The following ITGA10 variants were observed in gnomAD, a reference collection of about 807,000 sequenced individuals.
The protein encoded by ITGA10 is integrin subunit alpha 10, also known as integrin alpha-10.
In ITGA10, 105 loss-of-function variants were observed where a neutral mutation model predicts 145.2. That is an observed-to-expected ratio of 0.72 (90% CI 0.62 to 0.85). The LOEUF is 0.85. Among genes scored for constraint, ITGA10 ranks in the 40% least tolerant of loss-of-function variants. The probability of loss-of-function intolerance (pLI) is 0.00; values close to 1 mark genes in which losing one functional copy is unlikely to be tolerated. For synonymous variants in ITGA10, 506 were observed against 557.8 expected (o/e 0.91, Z 1.31); for missense variants, 1,317 against 1,444.5 (o/e 0.91, Z 1.43).
At chr1:145,907,519 A>G in intron 1 of ITGA10, 54 bp from the exon 2 acceptor site, 1 of 1,605,688 alleles carries the variant, frequency 6.2e-7, no homozygotes, top group Non-Finnish European at 8.5e-7. Context: ...CTAGAGGCAC[A>G]GCCCGAGAGA....
chr1:145,899,014 A>C lies in ITGA10; in HGVS notation c.2154T>G (p.Ser718=), dbSNP rs1553746601. The C allele has an allele frequency of 5.0e-6, 8 of 1,614,134 alleles. No individual in the cohort carries two copies. In the East Asian group the frequency reaches 1.6e-4, roughly 31 times the overall value. The change falls in exon 17 of 30, where the codon TCT becomes TCG. Residue 718 remains serine (S), a synonymous_variant. Coordinates refer to ENST00000369304, the MANE Select transcript of ITGA10 (RefSeq NM_003637.5). ...GCCTCCGAGGGGACAACCTCTGGCC[A>C]GAGCCATCAAATGCTGCACGTGCCC... ...TAGARAAFDG[S]GQRLSPRRLR... is the part of the protein sequence containing the mutation.
rs952787756 is a variant in ITGA10, at chr1:145,892,349, T to G, written c.*449A>C. 4 of 157,188 alleles carry G rather than the reference T, an allele frequency of 2.5e-5. No homozygotes were observed. In the Admixed American group the frequency reaches 2.5e-4, roughly 10 times the overall value. 9.7% of individuals were successfully genotyped at this position (157,188 alleles called of 1,614,324 possible). On this transcript the variant is annotated 3_prime_UTR_variant, in exon 30 of 30. Coordinates refer to ENST00000369304, the MANE Select transcript of ITGA10 (RefSeq NM_003637.5). ...TGACTTTACTCCTTTCAAGCCAACG[T>G]CAGCTCCCTCCTGTGGAGTGGGGAA...
At chr1:145,898,473 A>G (rs1553746243) in intron 17 of ITGA10, among the ~76,000 whole-genome samples, 1 of 151,922 alleles carries the variant, frequency 6.6e-6, no homozygotes, top group East Asian at 1.9e-4. Flanking sequence ...GGTTCAGGCC[A>G]TTCTCCTGCC....
In ITGA10 at chr1:145,892,741, T is replaced by C; in HGVS notation, c.*57A>G. ...ATCTGAGCCCCCAAACCTCTGCTTT[T>C]ATGCAAGTCTCTTGAAGAAGCTGCC... On this transcript the variant is annotated 3_prime_UTR_variant, in exon 30 of 30. Transcript: ENST00000369304. The C allele has an allele frequency of 2.2e-6, 3 of 1,356,014 alleles. No homozygotes were observed. Among genetic ancestry groups the C allele is most frequent in the Non-Finnish European group, 3.2e-6 (3 of 946,712 alleles). The allele number at this position is 1,356,014 out of a possible 1,614,324, so 84.0% of individuals were successfully genotyped here.
chr1:145,906,953 G>T, intron 3 of ITGA10, 88 bp downstream of exon 3: 1 of 1,172,316 alleles, frequency 8.5e-7, no homozygotes, highest in Non-Finnish European at 1.2e-6. Context: ...GCGGATTTTA[G>T]GGGTGAAAAA....
rs114026541 is a variant in ITGA10 at position 145,896,030 on chromosome 1, G to A, written c.2986C>T (p.His996Tyr). Residue 996 changes from histidine to tyrosine, a missense_variant, in exon 25 of 30, where the codon CAT becomes TAT. Transcript: ENST00000369304. Reference sequence around the variant, plus strand: ...AGTGATAGGAAGTAATTGCCCCCATGGGCCACAGCTGGAAGGAGGGCTGAG... The same window carrying A: ...AGTGATAGGAAGTAATTGCCCCCATAGGCCACAGCTGGAAGGAGGGCTGAG... Reference protein sequence around the residue: ...IISALLPAVAHGGNYFLSLSQ... With the variant: ...IISALLPAVAYGGNYFLSLSQ... The A allele has an allele frequency of 7.1e-4, 1,140 of 1,614,116 alleles. 6 individuals carry two copies. The African/African-American group carries it at 0.013, about 19-fold the overall frequency.
At chr1:145,898,711 C>T (rs1655800525) in intron 17 of ITGA10, among the ~76,000 whole-genome samples, 1 of 152,140 alleles carries the variant, frequency 6.6e-6, no homozygotes, top group African/African-American at 2.4e-5. Flanking sequence ...TTATTATTAT[C>T]ACCCCTTTGC....
At chr1:145,903,990 G>T (rs782278360) in intron 7 of ITGA10, 62 bp downstream of exon 7, 2 of 1,588,432 alleles carry the variant, frequency 1.3e-6, no homozygotes, top group Non-Finnish European at 1.7e-6. Flanking sequence ...GCCTGGCCCC[G>T]CCCTAACTCT....
intron 29 of ITGA10, 132 bp from the exon 30 acceptor site, chr1:145,892,995 T>A (rs1654907719): frequency 6.4e-6 from 6 of 941,906 alleles, no homozygotes; most frequent in Admixed American, 4.0e-5. Flanking sequence ...TTTATTTGGC[T>A]TAGAATAATT....
Position 145,900,080 on chromosome 1 carries a change from G to A in ITGA10, c.1899C>T (p.Ala633=), listed in dbSNP as rs1399460732. 1.9e-6 allele frequency: 3 copies of A among 1,613,502 alleles called. No individual in the cohort carries two copies. Among genetic ancestry groups the A allele is most frequent in the Non-Finnish European group, 1.7e-6 (2 of 1,179,822 alleles). Residue 633 remains alanine (A), a synonymous_variant, in exon 15 of 30, where the codon GCC becomes GCT. Transcript: ENST00000369304. ...ACCTGAGCAGGATGGCTGCCCCCTGGGCACCCACAGCCACATCGACCAGAT... is the reference window on the plus strand; with the variant it reads ...ACCTGAGCAGGATGGCTGCCCCCTGAGCACCCACAGCCACATCGACCAGAT... ...GDDLVDVAVG[A]QGAAILLSSR...
At chr1:145,893,068 T>A in intron 29 of ITGA10, 93 bp downstream of exon 29, 1 of 1,050,830 alleles carries the variant, frequency 9.5e-7, no homozygotes, top group East Asian at 2.4e-5. Context: ...CCTGGTTAGC[T>A]GCCCAGCACA....
At chr1:145,906,547 G>C (rs1006115872) in intron 4 of ITGA10, 39 bp from the exon 5 acceptor site, 1 of 1,552,124 alleles carries the variant, frequency 6.4e-7, no homozygotes, top group Non-Finnish European at 8.9e-7. Context: ...GGCTTGGGAG[G>C]GCACCCTCAG....
In ITGA10 at chr1:145,902,359, A is replaced by G. The variant is rs781812218; in HGVS notation, c.1076-40T>C. 4 of 1,603,432 alleles carry G rather than the reference A, an allele frequency of 2.5e-6. No individual in the cohort carries two copies. The African/African-American group carries it at 4.0e-5, about 16-fold the overall frequency. ...AACATTGAGACAATATCAGGGGAAGACAGTTTCCCCTTTGACCTACTGAAC... is the reference window on the plus strand; with the variant it reads ...AACATTGAGACAATATCAGGGGAAGGCAGTTTCCCCTTTGACCTACTGAAC... On this transcript the variant is annotated intron_variant, in intron 9 of 29. Coordinates refer to ENST00000369304, the MANE Select transcript of ITGA10 (RefSeq NM_003637.5).
In ITGA10 at chr1:145,901,416, C is replaced by T; in HGVS notation, c.1443+100G>A. The T allele has an allele frequency of 6.7e-7, 1 of 1,487,536 alleles. No homozygotes were observed. Among genetic ancestry groups the T allele is most frequent in the South Asian group, 1.3e-5 (1 of 76,254 alleles). 92.1% of individuals were successfully genotyped at this position (1,487,536 alleles called of 1,614,324 possible). On this transcript the variant is annotated intron_variant, in intron 12 of 29. Transcript: ENST00000369304. The surrounding 1 kb of genome is among the most constrained non-coding windows in gnomAD (Gnocchi z 4.3). The stretch of plus-strand genomic sequence containing the variant: ...AGACTCTGCCAACCAGAATTCCGCA[C>T]AGACTTTGGAGGCCTCTCTCTTACC...
rs2101794951 is a variant in ITGA10 at position 145,900,973 on chromosome 1, T to C, written c.1608A>G (p.Gln536=). 1.9e-6 allele frequency: 3 copies of C among 1,614,032 alleles called. No individual in the cohort carries two copies. The East Asian group carries it at 6.7e-5, about 36-fold the overall frequency. The change falls in exon 14 of 30, where the codon CAA becomes CAG. Residue 536 remains glutamine (Q), a synonymous_variant. Transcript: ENST00000369304. ...LVGQQSLLTL[Q]GTLQPEPPQD... is the part of the protein sequence containing the mutation. ...GGGGGGGTTCTGGCTGAAGTGTTCCTTGGAGGGTCAGCAAGGACTGCTGGT... is the reference window on the plus strand; with the variant it reads ...GGGGGGGTTCTGGCTGAAGTGTTCCCTGGAGGGTCAGCAAGGACTGCTGGT...
rs1657253361 is a variant in ITGA10, at chr1:145,907,104, C to T, written c.211G>A (p.Gly71Arg). 6.4e-7 allele frequency: 1 copy of T among 1,564,620 alleles called. No individual in the cohort carries two copies. The highest frequency in any genetic ancestry group is 2.4e-5 in the East Asian group (1 of 42,330). Residue 71 changes from glycine to arginine, a missense_variant, in exon 3 of 30, where the codon GGG becomes AGG. Transcript: ENST00000369304. ...PWDGPSGDRRGDVYRCPVGGA... is the reference protein window; with the variant it reads ...PWDGPSGDRRRDVYRCPVGGA... Reference sequence around the variant, plus strand: ...CCTACAGGGCAGCGATAAACGTCCCCCCTCCGGTCGCCTGAAGGCCCATCC... The same window carrying T: ...CCTACAGGGCAGCGATAAACGTCCCTCCTCCGGTCGCCTGAAGGCCCATCC...
intron 1 of ITGA10, among the ~76,000 whole-genome samples, chr1:145,908,517 C>T (rs1435520734): frequency 2.6e-5 from 4 of 152,218 alleles, no homozygotes; most frequent in South Asian, 2.1e-4. Flanking sequence ...TAAAGGTGCC[C>T]GACCCTAGCT....
At position 145,907,131 on chromosome 1, in the gene ITGA10, AG is replaced by A; in HGVS notation, c.183del (p.Trp62GlyfsTer17). 2 of 1,561,400 alleles carry A rather than the reference AG, an allele frequency of 1.3e-6. No homozygotes were observed. The highest frequency in any genetic ancestry group is 1.7e-6 in the Non-Finnish European group (2 of 1,152,102). ...GGQRWMLVGA[P>X]WDGPSGDRRG... ...CTCCGGTCGCCTGAAGGCCCATCCC[AG>A]GGGGCGCCCACCAGCATCCTGGGAA... On this transcript the variant is annotated frameshift_variant, in exon 3 of 30. Coordinates refer to ENST00000369304, the MANE Select transcript of ITGA10 (RefSeq NM_003637.5). LOFTEE classifies it high-confidence loss of function.
chr1:145,897,960 A>G, intron 18 of ITGA10, 60 bp from the exon 19 acceptor site: 1 of 1,462,786 alleles, frequency 6.8e-7, no homozygotes, highest in Non-Finnish European at 9.6e-7. Context: ...GGAATAGAAT[A>G]GGGGGAAAGT....
Sources: gnomAD v4.1 joint callset for allele counts (sites outside exome capture counted in the v4.1 genomes callset) on GRCh38, gnomAD v4.1.1 for gene constraint, Gnocchi (gnomAD v3.1) non-coding constraint, MANE v1.5 for transcripts, NCBI Gene and HGNC (gene_info 2026-07-23, HGNC 2026-07-21) for gene names.